GRAMD4: variants seen among roughly 807,000 people sequenced by gnomAD.
The protein encoded by GRAMD4 is GRAM domain-containing protein 4.
GRAMD4 carries 25 observed loss-of-function variants against 83.9 expected under a neutral mutation model. The ratio of observed to expected loss-of-function variants is 0.30; its 90% CI spans 0.22 to 0.42. The LOEUF (loss-of-function observed/expected upper bound fraction) is 0.42. Among genes scored for constraint, GRAMD4 ranks in the 10% least tolerant of loss-of-function variants. The pLI, the probability that GRAMD4 is intolerant of heterozygous loss-of-function variation, is 1.00. For missense variants in GRAMD4, 593 were observed against 788.7 expected (o/e 0.75, Z 2.97); for synonymous variants, 336 against 320.9 (o/e 1.05, Z -0.50).
chr22:46,643,131 C>CCATCCATG (rs2082003754), intron 3 of GRAMD4, among the ~76,000 whole-genome samples: 1 of 144,466 alleles, frequency 6.9e-6, no homozygotes, highest in Non-Finnish European at 1.5e-5. Context: ...ATGCATCCAT[C>CCATCCATG]CATGCATCCT....
upstream of GRAMD4, among the ~76,000 whole-genome samples, chr22:46,617,043 C>T (rs1322711928): frequency 1.3e-4 from 11 of 83,370 alleles, no homozygotes; most frequent in African/African-American, 3.3e-4. Context: ...TTCCCCTGTG[C>T]GTGTGGGTTC....
At chr22:46,670,839 C>T (rs1470120496) in intron 13 of GRAMD4, among the ~76,000 whole-genome samples, 1 of 152,054 alleles carries the variant, frequency 6.6e-6, no homozygotes, top group African/African-American at 2.4e-5. Context: ...CCCCTGACAT[C>T]ATGATCCGCC....
At chr22:46,643,791 G>A (rs993265897) in intron 3 of GRAMD4, among the ~76,000 whole-genome samples, 6 of 152,298 alleles carry the variant, frequency 3.9e-5, no homozygotes, top group Admixed American at 1.3e-4. Flanking sequence ...ACATGATGGC[G>A]TGTCCTTAGT....
At chr22:46,637,802 C>CA (rs778559459) in intron 2 of GRAMD4, 38 bp from the exon 3 acceptor site, 2 of 1,611,028 alleles carry the variant, frequency 1.2e-6, no homozygotes, top group Non-Finnish European at 1.7e-6. Flanking sequence ...CAGGGTGCCA[C>CA]AGGTGGCCCC....
At chr22:46,616,053 CGTGT>C (rs2081485171), upstream of GRAMD4, among the ~76,000 whole-genome samples, 1 of 121,238 alleles carries the variant, frequency 8.2e-6, no homozygotes, top group Non-Finnish European at 1.7e-5. Flanking sequence ...TTCCCCTGTG[CGTGT>C]CGGTTCCCCC....
chr22:46,602,326 C>T (rs767421065), intron 1 of GRAMD4, among the ~76,000 whole-genome samples: 1 of 152,214 alleles, frequency 6.6e-6, no homozygotes, highest in Admixed American at 6.5e-5. Context: ...GACCCCACAC[C>T]CACATGCTGT....
At chr22:46,670,959 G>C in intron 13 of GRAMD4, 1 of 307,530 alleles carries the variant, frequency 3.3e-6, no homozygotes, top group South Asian at 2.4e-5. Context: ...ACCACCCTGA[G>C]ATCACCACTG....
chr22:46,654,652 C>T (rs964440717), intron 3 of GRAMD4, among the ~76,000 whole-genome samples: 1 of 152,210 alleles, frequency 6.6e-6, no homozygotes, highest in Admixed American at 6.5e-5. Flanking sequence ...GCCTCCACTC[C>T]GTGCACGGCC....
Position 46,593,335 on chromosome 22 carries a change from T to C in GRAMD4, c.-50+16045T>C, listed in dbSNP as rs1027219833. 2.0e-5 allele frequency among the ~76,000 whole-genome samples: 3 copies of C among 152,096 alleles called. No homozygotes were observed. In the South Asian group the frequency reaches 6.2e-4, roughly 31 times the overall value. ...CGGGCGGCCCTTGTTGCAGGCGGTC[T>C]TGGCGAGAGACATCCCCATTTCTGC... On this transcript the variant is annotated intron_variant, in intron 1 of 1. Coordinates refer to the GRAMD4 transcript ENST00000431155.
chr22:46,613,370 C>T (rs1402576287), intron 1 of GRAMD4, among the ~76,000 whole-genome samples: 1 of 152,248 alleles, frequency 6.6e-6, no homozygotes, highest in Non-Finnish European at 1.5e-5. Flanking sequence ...CCTCGAGGCT[C>T]TCCAGCCCCG....
Position 46,620,896 on chromosome 22 carries a change from G to A in GRAMD4, c.-50+331G>A, listed in dbSNP as rs1020614190. On this transcript the variant is annotated intron_variant, in intron 1 of 18. Transcript: ENST00000406902. The surrounding 1 kb of genome is among the most constrained non-coding windows in gnomAD (Gnocchi z 4.7). ...TGACAGGACGAGAGGAAGGGAGGCC[G>A]ATCTGAGAGGGAGGGAGGCCCATCC... Among the ~76,000 whole-genome samples the A allele has an allele frequency of 2.0e-5, 3 of 152,136 alleles. No individual in the cohort carries two copies. Among genetic ancestry groups the A allele is most frequent in the African/African-American group, 4.8e-5 (2 of 41,430 alleles).
chr22:46,583,474 A>G (rs771934438), intron 1 of GRAMD4, among the ~76,000 whole-genome samples: 1 of 152,210 alleles, frequency 6.6e-6, no homozygotes, highest in Non-Finnish European at 1.5e-5. Context: ...AGGGTCCCAG[A>G]TGACATCTAG....
Position 46,663,129 on chromosome 22 carries a change from G to C in GRAMD4, c.556G>C (p.Glu186Gln), listed in dbSNP as rs772154156. ...CGTGGAGGACTTCCGGTTCCAGCCCGAGGAGAACACTGTGGAGACAGAGGA... is the reference window on the plus strand; with the variant it reads ...CGTGGAGGACTTCCGGTTCCAGCCCCAGGAGAACACTGTGGAGACAGAGGA... ...EYVEDFRFQP[E>Q]ENTVETEEPL... Residue 186 changes from glutamate to glutamine, a missense_variant, in exon 6 of 19, where the codon GAG (glutamate) becomes CAG (glutamine). By Grantham distance (29) the Glu-to-Gln change is conservative (BLOSUM62 2). Around this residue, in one of 4 missense-constraint regions of GRAMD4, gnomAD observed 312 missense variants for 350.7 expected, o/e 0.89. Coordinates refer to ENST00000406902, the MANE Select transcript of GRAMD4 (RefSeq NM_015124.5). 40 of 1,612,400 alleles carry C rather than the reference G, an allele frequency of 2.5e-5. No individual in the cohort carries two copies. The highest frequency in any genetic ancestry group is 3.3e-5 in the Non-Finnish European group (39 of 1,179,698).
At chr22:46,673,530 G>A (rs977098162) in intron 14 of GRAMD4, 140 bp from the exon 15 acceptor site, 47 of 1,058,198 alleles carry the variant, frequency 4.4e-5, no homozygotes, top group African/African-American at 3.1e-4. Context: ...AGAAGGAGCC[G>A]CTCTGGGCCG....
chr22:46,599,676 A>G (rs929348811), intron 1 of GRAMD4, among the ~76,000 whole-genome samples: 5 of 152,202 alleles, frequency 3.3e-5, no homozygotes, highest in African/African-American at 1.2e-4. Flanking sequence ...AAAATTACCT[A>G]GCAACCTGCA....
At chr22:46,630,846 TGCG>T (rs1569273631) in intron 2 of GRAMD4, among the ~76,000 whole-genome samples, 1 of 150,670 alleles carries the variant, frequency 6.6e-6, no homozygotes, top group Admixed American at 6.7e-5. Flanking sequence ...CTGGCAGCTG[TGCG>T]GTGTGCCCTC....
chr22:46,671,635 G>A (rs933390034), intron 13 of GRAMD4, among the ~76,000 whole-genome samples: 18 of 150,832 alleles, frequency 1.2e-4, no homozygotes, highest in African/African-American at 3.9e-4. Context: ...CTGCCTGGGC[G>A]ACAGAGCAAG....
Position 46,660,820 on chromosome 22 carries a change from C to T in GRAMD4, c.405-561C>T, listed in dbSNP as rs1173972562. 2.6e-5 allele frequency among the ~76,000 whole-genome samples: 4 copies of T among 152,306 alleles called. 1 individual carries two copies. The Middle Eastern group carries it at 0.01, about 389-fold the overall frequency. The stretch of plus-strand genomic sequence containing the variant: ...TCCCAAGAGTTAGGAAGGTTAGGGG[C>T]GACCACACAGCACTTGGCCCGGTTC... On this transcript the variant is annotated intron_variant, in intron 4 of 18. Coordinates refer to ENST00000406902, the MANE Select transcript of GRAMD4 (RefSeq NM_015124.5).
In GRAMD4 at chr22:46,621,118, G is replaced by A. The variant is rs2081567872; in HGVS notation, c.-50+553G>A. 6.6e-6 allele frequency among the ~76,000 whole-genome samples: 1 copy of A among 152,120 alleles called. No individual in the cohort carries two copies. Among genetic ancestry groups the A allele is most frequent in the Non-Finnish European group, 1.5e-5 (1 of 68,008 alleles). ...GGCAGCTAGAAGTGGGGAGGGCAGGGGCCGTCTGGTTGGGGATGCGCGGCT... is the reference window on the plus strand; with the variant it reads ...GGCAGCTAGAAGTGGGGAGGGCAGGAGCCGTCTGGTTGGGGATGCGCGGCT... On this transcript the variant is annotated intron_variant, in intron 1 of 18. Coordinates refer to ENST00000406902, the MANE Select transcript of GRAMD4 (RefSeq NM_015124.5). The surrounding 1 kb of genome is among the most constrained non-coding windows in gnomAD (Gnocchi z 5.8).
Sources: allele counts gnomAD v4.1 joint callset (sites outside exome capture counted in the v4.1 genomes callset), GRCh38; gene constraint gnomAD v4.1.1; regional missense constraint gnomAD v4.1.1; non-coding constraint Gnocchi (gnomAD v3.1); transcripts MANE v1.5; gene names NCBI Gene and HGNC (gene_info 2026-07-23, HGNC 2026-07-21).